Variants in PXYLP1 observed in about 807,000 individuals in gnomAD.
PXYLP1 encodes 2-phosphoxylose phosphatase 1, also known as acid phosphatase-like 2.
In PXYLP1, 17 loss-of-function variants were observed where a neutral mutation model predicts 37.9. That is an observed-to-expected ratio of 0.45 (90% CI 0.31 to 0.67). The LOEUF is 0.67. Ranked by LOEUF, PXYLP1 falls within the 30% of genes least tolerant of loss-of-function variation. The probability of loss-of-function intolerance (pLI) is 0.07; values close to 1 mark genes in which losing one functional copy is unlikely to be tolerated. For synonymous variants in PXYLP1, 221 were observed against 232.2 expected (o/e 0.95, Z 0.44); for missense variants, 511 against 612.0 (o/e 0.84, Z 1.74).
intron 1 of PXYLP1, among the ~76,000 whole-genome samples, chr3:141,246,722 C>T (rs954297159): frequency 6.6e-6 from 1 of 152,228 alleles, no homozygotes; most frequent in Non-Finnish European, 1.5e-5. Context: ...GGGAGCAAGA[C>T]TGACAAAGTT....
chr3:141,286,936 G>T (rs1942087772), intron 4 of PXYLP1, among the ~76,000 whole-genome samples: 2 of 152,248 alleles, frequency 1.3e-5, no homozygotes, highest in African/African-American at 4.8e-5. Flanking sequence ...GACAGCATGT[G>T]CAGGGGCAGG....
intron 2 of PXYLP1, chr3:141,273,757 C>G (rs1559891272): frequency 1.0e-6 from 1 of 985,214 alleles, no homozygotes; most frequent in Non-Finnish European, 1.2e-6. Context: ...AAAAGAGAGG[C>G]TTATTTCCAA....
chr3:141,282,634 CAT>C (rs1483004057), intron 4 of PXYLP1, among the ~76,000 whole-genome samples: 1 of 152,214 alleles, frequency 6.6e-6, no homozygotes, highest in Non-Finnish European at 1.5e-5. Flanking sequence ...CAGTGACTGA[CAT>C]ATGAGTGGTG....
chr3:141,256,216 G>C (rs771231225), intron 1 of PXYLP1, among the ~76,000 whole-genome samples: 1 of 152,140 alleles, frequency 6.6e-6, no homozygotes, highest in Non-Finnish European at 1.5e-5. Context: ...TCGACCGCAG[G>C]GCTCTGCCTG....
intron 2 of PXYLP1, chr3:141,262,228 G>A (rs967147836): frequency 6.3e-5 from 60 of 955,868 alleles, no homozygotes; most frequent in Admixed American, 2.5e-4. Context: ...TAAAATACTC[G>A]TTTTATCCTT....
chr3:141,268,858 G>A (rs570190733), intron 2 of PXYLP1, among the ~76,000 whole-genome samples: 21 of 152,354 alleles, frequency 1.4e-4, no homozygotes, highest in African/African-American at 4.8e-4. Flanking sequence ...AGGTGGCTGG[G>A]ATGCATGGCC....
chr3:141,251,771 T>C (rs1941145527), intron 1 of PXYLP1, among the ~76,000 whole-genome samples: 1 of 152,156 alleles, frequency 6.6e-6, no homozygotes, highest in Non-Finnish European at 1.5e-5. Flanking sequence ...AACCAAATGA[T>C]ATTTAAAACC....
At chr3:141,282,483 A>ACAC (rs1941976664) in intron 4 of PXYLP1, among the ~76,000 whole-genome samples, 2 of 147,522 alleles carry the variant, frequency 1.4e-5, no homozygotes, top group South Asian at 2.2e-4. Context: ...AACCCAGACA[A>ACAC]ACACACACAC....
At chr3:141,235,086 C>T (rs1940626804) in intron 1 of PXYLP1, 1 of 152,174 alleles carries the variant, frequency 6.6e-6, no homozygotes. Context: ...AGAACCTGTC[C>T]CTGGACAAGG....
intron 1 of PXYLP1, among the ~76,000 whole-genome samples, chr3:141,252,445 A>G (rs1941160552): frequency 6.6e-6 from 1 of 152,170 alleles, no homozygotes; most frequent in Non-Finnish European, 1.5e-5. Context: ...GTGGAAGGCA[A>G]AGGGGGAGCC....
chr3:141,273,977 T>C lies in PXYLP1; in HGVS notation c.80-4365T>C, dbSNP rs1941728466. The C allele has an allele frequency of 5.1e-6, 5 of 985,654 alleles. No individual in the cohort carries two copies. In the South Asian group the frequency reaches 1.9e-4, roughly 37 times the overall value. 61.1% of individuals were successfully genotyped at this position (985,654 alleles called of 1,614,324 possible). Reference sequence around the variant, plus strand: ...AACTCGTTATCCTTCCATCTATTTATCTGCCCACTATTCTTTCTGATGCCC... The same window carrying C: ...AACTCGTTATCCTTCCATCTATTTACCTGCCCACTATTCTTTCTGATGCCC... On this transcript the variant is annotated intron_variant, in intron 2 of 5. Transcript: ENST00000286353.
At chr3:141,277,600 C>G (rs910753357) in intron 2 of PXYLP1, among the ~76,000 whole-genome samples, 4 of 152,190 alleles carry the variant, frequency 2.6e-5, no homozygotes, top group Non-Finnish European at 4.4e-5. Context: ...CCATTACTAC[C>G]CTTATTGACT....
intron 2 of PXYLP1, among the ~76,000 whole-genome samples, chr3:141,276,423 A>G (rs1307532306): frequency 1.3e-5 from 2 of 152,142 alleles, no homozygotes; most frequent in East Asian, 3.8e-4. Context: ...TTTTCTTTAC[A>G]CAAAGAGGAT....
At chr3:141,254,338 T>C (rs1322710693) in intron 1 of PXYLP1, among the ~76,000 whole-genome samples, 1 of 152,238 alleles carries the variant, frequency 6.6e-6, no homozygotes, top group Non-Finnish European at 1.5e-5. Context: ...CCTGTGTTCT[T>C]ACCACTTAGA....
intron 1 of PXYLP1, among the ~76,000 whole-genome samples, chr3:141,259,061 A>G (rs536328820): frequency 2.6e-4 from 40 of 152,304 alleles, no homozygotes; most frequent in African/African-American, 9.6e-4. Flanking sequence ...TTCATTCCCA[A>G]AAGATGTGCT....
At chr3:141,280,568 A>G (rs940581667) in intron 4 of PXYLP1, among the ~76,000 whole-genome samples, 2 of 152,192 alleles carry the variant, frequency 1.3e-5, no homozygotes, top group Admixed American at 6.5e-5. Flanking sequence ...TAGTTACTTA[A>G]TGTCATTTAA....
At chr3:141,283,477 A>G (rs1942000929) in intron 4 of PXYLP1, among the ~76,000 whole-genome samples, 1 of 152,142 alleles carries the variant, frequency 6.6e-6, no homozygotes, top group Non-Finnish European at 1.5e-5. Context: ...AAGGATTTCA[A>G]AAGGGGCCAG....
intron 1 of PXYLP1, among the ~76,000 whole-genome samples, chr3:141,259,282 C>A (rs1941336448): frequency 6.6e-6 from 1 of 152,140 alleles, no homozygotes; most frequent in Admixed American, 6.5e-5. Flanking sequence ...AGTTTAAGAA[C>A]CTTTTCTAAA....
chr3:141,256,792 C>T (rs1297552688), intron 1 of PXYLP1, among the ~76,000 whole-genome samples: 1 of 152,074 alleles, frequency 6.6e-6, no homozygotes, highest in Non-Finnish European at 1.5e-5. Context: ...CAGACTACTC[C>T]CTAGCACAAG....
Sources: gnomAD v4.1 joint callset for allele counts (sites outside exome capture counted in the v4.1 genomes callset) on GRCh38, gnomAD v4.1.1 for gene constraint, MANE v1.5 for transcripts, NCBI Gene and HGNC (gene_info 2026-07-23, HGNC 2026-07-21) for gene names.